Variants in CALN1 observed in about 807,000 individuals in gnomAD.
The protein encoded by CALN1 is calneuron 1.
CALN1 carries 17 observed loss-of-function variants against 30.6 expected under a neutral mutation model. The ratio of observed to expected loss-of-function variants is 0.56; its 90% CI spans 0.38 to 0.83. CALN1 has a LOEUF of 0.83. Ranked by LOEUF, CALN1 falls within the 40% of genes least tolerant of loss-of-function variation. CALN1 has a pLI of 0.00. For synonymous variants in CALN1, 156 were observed against 131.4 expected, an observed-to-expected ratio of 1.19 and a Z score of -1.28; for missense variants, 291 against 354.9, an observed-to-expected ratio of 0.82 and a Z score of 1.45.
chr7:71,917,629 T>C (rs537359983), intron 5 of CALN1, among the ~76,000 whole-genome samples: 1 of 152,020 alleles, frequency 6.6e-6, no homozygotes, highest in African/African-American at 2.4e-5. Flanking sequence ...CACCTCTCCA[T>C]GGGGCAGCAG....
At chr7:72,054,528 C>CATATAT (rs1311863020) in intron 4 of CALN1, among the ~76,000 whole-genome samples, 781 of 55,576 alleles carry the variant, frequency 0.014, 20 homozygotes, top group African/African-American at 0.053. Flanking sequence ...TACATATATA[C>CATATAT]ATACATATAT....
At position 72,108,800 on chromosome 7, in the gene CALN1, G is replaced by C. The variant is rs144669806; in HGVS notation, c.245-2506C>G. On this transcript the variant is annotated intron_variant, in intron 3 of 6. Transcript: ENST00000395275. Reference sequence around the variant, plus strand: ...CCTATTAAATGTTTCTTTCTGACAAGCTAGATATATCAGCCTCTTTTTTCA... The same window carrying C: ...CCTATTAAATGTTTCTTTCTGACAACCTAGATATATCAGCCTCTTTTTTCA... 4.2e-3 allele frequency among the ~76,000 whole-genome samples: 643 copies of C among 152,334 alleles called. 5 individuals carry two copies. Among genetic ancestry groups the C allele is most frequent in the African/African-American group, 0.014 (585 of 41,572 alleles).
At chr7:72,139,370 C>T (rs1312565104) in intron 3 of CALN1, among the ~76,000 whole-genome samples, 1 of 149,540 alleles carries the variant, frequency 6.7e-6, no homozygotes, top group South Asian at 2.2e-4. Context: ...CACCCTGGGT[C>T]TTCTACTCAT....
At chr7:71,872,288 G>A (rs143536249) in intron 5 of CALN1, among the ~76,000 whole-genome samples, 4 of 152,324 alleles carry the variant, frequency 2.6e-5, no homozygotes, top group African/African-American at 9.6e-5. Flanking sequence ...TGTTCAGTAA[G>A]TGAGTCAATG....
intron 2 of CALN1, among the ~76,000 whole-genome samples, chr7:72,303,301 G>A (rs192769074): frequency 2.6e-5 from 4 of 152,148 alleles, no homozygotes; most frequent in Non-Finnish European, 4.4e-5. Flanking sequence ...TGAACTTCCA[G>A]CATCAGTGCA....
At chr7:72,260,543 T>G (rs561198253) in intron 3 of CALN1, among the ~76,000 whole-genome samples, 1 of 152,320 alleles carries the variant, frequency 6.6e-6, no homozygotes, top group Non-Finnish European at 1.5e-5. Flanking sequence ...CTTCAAAATC[T>G]GGCAAGAGGC....
the CALN1 span, among the ~76,000 whole-genome samples, chr7:72,463,979 G>GGGAA: frequency 9.2e-6 from 1 of 108,328 alleles, no homozygotes; most frequent in East Asian, 2.5e-4. Flanking sequence ...AAGGAAGGAA[G>GGGAA]GGAAGGAGGG....
intron 4 of CALN1, among the ~76,000 whole-genome samples, chr7:72,079,457 T>C (rs894342636): frequency 2.0e-5 from 3 of 152,204 alleles, no homozygotes; most frequent in African/African-American, 7.2e-5. Context: ...CTTTTCCTTT[T>C]GCCACGTAGC....
chr7:72,199,719 A>C lies in CALN1; in HGVS notation c.244+78967T>G, dbSNP rs188914379. Among the ~76,000 whole-genome samples the C allele has an allele frequency of 3.5e-4, 53 of 152,236 alleles. 1 individual carries two copies. In the East Asian group the frequency reaches 8.3e-3, roughly 24 times the overall value. ...AAAATTAGCCAGGCGTAGTGGTGCA[A>C]ACCTGTAGTCCTAGCTACTTGGGAG... On this transcript the variant is annotated intron_variant, in intron 3 of 6. Coordinates refer to ENST00000395275, the MANE Select transcript of CALN1 (RefSeq NM_031468.4).
chr7:71,944,082 TTGAGCAG>T (rs1796274933), intron 5 of CALN1, among the ~76,000 whole-genome samples: 2 of 152,174 alleles, frequency 1.3e-5, no homozygotes, highest in African/African-American at 4.8e-5. Flanking sequence ...CTAGTCACTG[TTGAGCAG>T]TGAGCTTTCG....
At chr7:71,823,632 T>C (rs953137767) in intron 5 of CALN1, among the ~76,000 whole-genome samples, 2 of 151,894 alleles carry the variant, frequency 1.3e-5, no homozygotes, top group East Asian at 1.9e-4. Context: ...GCAGAAGAAT[T>C]GCTTGAACCT....
intron 2 of CALN1, among the ~76,000 whole-genome samples, chr7:72,318,846 G>A (rs1800672995): frequency 6.8e-6 from 1 of 146,424 alleles, no homozygotes; most frequent in Non-Finnish European, 1.5e-5. Context: ...GTCAGGAATG[G>A]CTATTATTAA....
intron 3 of CALN1, among the ~76,000 whole-genome samples, chr7:72,264,312 A>G (rs981577173): frequency 6.6e-6 from 1 of 152,168 alleles, no homozygotes; most frequent in African/African-American, 2.4e-5. Context: ...TGCTCAGCTC[A>G]TAAGAACACT....
At chr7:72,356,087 G>GTA (rs1803205937) in intron 2 of CALN1, among the ~76,000 whole-genome samples, 1 of 152,102 alleles carries the variant, frequency 6.6e-6, no homozygotes, top group Non-Finnish European at 1.5e-5. Context: ...ATATTACACT[G>GTA]TATCCCATAG....
chr7:72,338,840 T>C (rs1802250256), intron 2 of CALN1, among the ~76,000 whole-genome samples: 1 of 151,980 alleles, frequency 6.6e-6, no homozygotes, highest in Admixed American at 6.6e-5. Context: ...TTGTAAAATA[T>C]GAGTTATTGA....
intron 5 of CALN1, among the ~76,000 whole-genome samples, chr7:71,837,066 T>C (rs534702297): frequency 3.3e-5 from 5 of 151,632 alleles, no homozygotes; most frequent in Non-Finnish European, 7.4e-5. Context: ...ACCCTGTCTC[T>C]ACTAAAATTA....
intron 3 of CALN1, among the ~76,000 whole-genome samples, chr7:72,263,327 A>G (rs937447667): frequency 2.0e-5 from 3 of 152,194 alleles, no homozygotes; most frequent in African/African-American, 7.2e-5. Context: ...GAGAAAATCA[A>G]AACTTGTGGG....
intron 5 of CALN1, among the ~76,000 whole-genome samples, chr7:71,972,454 C>T (rs149538100): frequency 6.6e-6 from 1 of 152,210 alleles, no homozygotes; most frequent in African/African-American, 2.4e-5. Flanking sequence ...ATATTTTTAC[C>T]TTCTCTTTTA....
At chr7:72,248,348 C>G (rs1184102274) in intron 3 of CALN1, among the ~76,000 whole-genome samples, 3 of 152,170 alleles carry the variant, frequency 2.0e-5, no homozygotes, top group African/African-American at 7.2e-5. Flanking sequence ...CTCCACCCAC[C>G]TTGGCCTCCC....
Sources: allele counts gnomAD v4.1 joint callset (sites outside exome capture counted in the v4.1 genomes callset), GRCh38; gene constraint gnomAD v4.1.1; transcripts MANE v1.5; gene names NCBI Gene and HGNC (gene_info 2026-07-23, HGNC 2026-07-21).